RUNX1: variants seen among roughly 807,000 people sequenced by gnomAD.
The protein encoded by RUNX1 is runt-related transcription factor 1.
Under a neutral mutation model 42.8 loss-of-function variants are expected in RUNX1, and 19 were observed. The observed-to-expected ratio is 0.44, with a 90% CI of 0.31 to 0.65. The LOEUF (loss-of-function observed/expected upper bound fraction) is 0.65. Ranked by LOEUF, RUNX1 falls within the 30% of genes least tolerant of loss-of-function variation. The pLI is 0.07. For synonymous variants in RUNX1, 271 were observed against 289.4 expected, an observed-to-expected ratio of 0.94 and a Z score of 0.64; for missense variants, 528 against 672.0, an observed-to-expected ratio of 0.79 and a Z score of 2.37.
At chr21:34,828,726 G>A (rs1036830987) in intron 7 of RUNX1, among the ~76,000 whole-genome samples, 1 of 152,170 alleles carries the variant, frequency 6.6e-6, no homozygotes, top group Non-Finnish European at 1.5e-5. Flanking sequence ...GAGGGAGTAA[G>A]TTAGTTATCA....
intron 2 of RUNX1, among the ~76,000 whole-genome samples, chr21:34,929,748 C>T (rs962744624): frequency 6.6e-6 from 1 of 152,052 alleles, no homozygotes; most frequent in African/African-American, 2.4e-5. Context: ...CTCAAAAGAC[C>T]TTAGTTGAAT....
At chr21:34,884,038 A>T (rs1238083393) in intron 4 of RUNX1, among the ~76,000 whole-genome samples, 1 of 152,234 alleles carries the variant, frequency 6.6e-6, no homozygotes, top group African/African-American at 2.4e-5. Context: ...ACTCTGGTGT[A>T]CCAGGGCCTG....
chr21:34,835,061 A>G (rs1319745754), intron 6 of RUNX1, among the ~76,000 whole-genome samples: 1 of 152,130 alleles, frequency 6.6e-6, no homozygotes, highest in Non-Finnish European at 1.5e-5. Flanking sequence ...CACGTTTTAG[A>G]GGCGGCAAAG....
chr21:34,794,146 C>G (rs906133096), intron 8 of RUNX1, among the ~76,000 whole-genome samples: 3 of 151,848 alleles, frequency 2.0e-5, no homozygotes, highest in Non-Finnish European at 4.4e-5. Context: ...AAAGGATGCA[C>G]AAATATGTTA....
At chr21:34,797,289 T>C (rs1252552282) in intron 8 of RUNX1, among the ~76,000 whole-genome samples, 1 of 152,228 alleles carries the variant, frequency 6.6e-6, no homozygotes, top group Non-Finnish European at 1.5e-5. Context: ...CATAAAATGT[T>C]CTCTCTTACT....
Position 34,930,017 on chromosome 21 carries a change from T to C in RUNX1, c.59-37054A>G, listed in dbSNP as rs373591468. 4.0e-5 allele frequency among the ~76,000 whole-genome samples: 6 copies of C among 151,516 alleles called. No individual in the cohort carries two copies. In the East Asian group the frequency reaches 9.6e-4, roughly 24 times the overall value. On this transcript the variant is annotated intron_variant, in intron 2 of 8. Coordinates refer to ENST00000675419, the MANE Select transcript of RUNX1 (RefSeq NM_001754.5). Reference sequence around the variant, plus strand: ...TTTGTAAGGACAAATGAATGACATATGTTTCAAGAATAAATTCTTTCTCTC... The same window carrying C: ...TTTGTAAGGACAAATGAATGACATACGTTTCAAGAATAAATTCTTTCTCTC...
intron 2 of RUNX1, among the ~76,000 whole-genome samples, chr21:34,999,525 G>A (rs1282286500): frequency 6.6e-6 from 1 of 152,146 alleles, no homozygotes; most frequent in Non-Finnish European, 1.5e-5. Flanking sequence ...CTTCCAGAAT[G>A]GTCCTTTTGG....
chr21:34,916,138 C>T (rs1158342107), intron 2 of RUNX1, among the ~76,000 whole-genome samples: 1 of 152,272 alleles, frequency 6.6e-6, no homozygotes, highest in Non-Finnish European at 1.5e-5. Context: ...GATTTTCTGA[C>T]ACAACAAGTG....
chr21:34,817,438 C>T (rs1272003057), intron 7 of RUNX1, among the ~76,000 whole-genome samples: 1 of 152,198 alleles, frequency 6.6e-6, no homozygotes, highest in East Asian at 1.9e-4. Context: ...TGTTGTGTCG[C>T]TGAGGCCAAA....
Position 34,891,512 on chromosome 21 carries a change from G to A in RUNX1, c.97+1413C>T, listed in dbSNP as rs1302469259. 4.6e-5 allele frequency among the ~76,000 whole-genome samples: 7 copies of A among 152,058 alleles called. No homozygotes were observed. The East Asian group carries it at 9.6e-4, about 21-fold the overall frequency. The stretch of plus-strand genomic sequence containing the variant: ...CCCCTTAGTCGGCCGGGCATTTTAC[G>A]GAGCCTGCACTTTCAAGGACAGCCA... On this transcript the variant is annotated intron_variant, in intron 3 of 8. Coordinates refer to ENST00000675419, the MANE Select transcript of RUNX1 (RefSeq NM_001754.5).
intron 7 of RUNX1, among the ~76,000 whole-genome samples, chr21:34,809,149 C>G (rs1370087352): frequency 6.6e-6 from 1 of 152,160 alleles, no homozygotes; most frequent in Non-Finnish European, 1.5e-5. Flanking sequence ...GCTCTACAGA[C>G]AGGTTGGGTA....
intron 2 of RUNX1, among the ~76,000 whole-genome samples, chr21:34,960,247 C>T (rs1299120513): frequency 6.6e-6 from 1 of 152,186 alleles, no homozygotes; most frequent in African/African-American, 2.4e-5. Flanking sequence ...ATGTCCTGGG[C>T]TCCCTGCTGC....
At chr21:34,910,135 T>G (rs767529847) in intron 2 of RUNX1, among the ~76,000 whole-genome samples, 3 of 152,330 alleles carry the variant, frequency 2.0e-5, no homozygotes, top group Non-Finnish European at 4.4e-5. Flanking sequence ...ACTCGCCATA[T>G]TCCTAGTTCA....
intron 3 of RUNX1, chr21:34,888,298 G>C: frequency 3.7e-6 from 4 of 1,067,732 alleles, no homozygotes; most frequent in Non-Finnish European, 4.5e-6. Context: ...GATCGAAACA[G>C]ATCGGGCGGC....
At chr21:34,872,226 G>A (rs1412145955) in intron 5 of RUNX1, among the ~76,000 whole-genome samples, 1 of 152,216 alleles carries the variant, frequency 6.6e-6, no homozygotes, top group Non-Finnish European at 1.5e-5. Flanking sequence ...TGGACTCTCT[G>A]CTGAAGTATT....
intron 8 of RUNX1, among the ~76,000 whole-genome samples, chr21:34,797,209 C>T (rs1490638107): frequency 6.6e-6 from 1 of 152,148 alleles, no homozygotes. Context: ...TGTCCTCCCT[C>T]CAAAAAGAAA....
chr21:34,943,406 G>A (rs1170437460), intron 2 of RUNX1, among the ~76,000 whole-genome samples: 1 of 152,106 alleles, frequency 6.6e-6, no homozygotes, highest in Non-Finnish European at 1.5e-5. Flanking sequence ...ACTCAACAAA[G>A]GATGCTTAAA....
intron 2 of RUNX1, among the ~76,000 whole-genome samples, chr21:34,934,270 A>T (rs1030135428): frequency 2.0e-5 from 3 of 150,356 alleles, no homozygotes; most frequent in African/African-American, 7.4e-5. Flanking sequence ...TTTTTTTTTA[A>T]TTTTTTTTTA....
intron 2 of RUNX1, among the ~76,000 whole-genome samples, chr21:34,928,679 TA>T (rs11389057): frequency 0.1 from 14,333 of 140,162 alleles, 983 homozygotes; most frequent in African/African-American, 0.21. Context: ...GACTCCATCT[TA>T]AAAAAAAAAA....
Sources: allele counts gnomAD v4.1 joint callset (sites outside exome capture counted in the v4.1 genomes callset), GRCh38; gene constraint gnomAD v4.1.1; transcripts MANE v1.5; gene names NCBI Gene and HGNC (gene_info 2026-07-23, HGNC 2026-07-21).